The following CXADR variants were observed in gnomAD, a reference collection of about 807,000 sequenced individuals.
CXADR encodes the protein coxsackievirus and adenovirus receptor.
A neutral mutation model predicts 40.3 loss-of-function variants in CXADR; 20 were observed. The observed-to-expected ratio is 0.50, with a 90% CI of 0.35 to 0.72. The LOEUF is 0.72. Among genes scored for constraint, CXADR ranks in the 30% least tolerant of loss-of-function variants. The pLI is 0.01. For synonymous variants in CXADR, 150 were observed against 161.3 expected, an observed-to-expected ratio of 0.93 and a Z score of 0.53; for missense variants, 332 against 449.1, an observed-to-expected ratio of 0.74 and a Z score of 2.36.
chr21:17,589,509 C>T (rs982541852), intron 7 of CXADR, among the ~76,000 whole-genome samples: 5 of 152,002 alleles, frequency 3.3e-5, no homozygotes, highest in South Asian at 4.1e-4. Flanking sequence ...TCCCATTCCC[C>T]GCCTCTGAGA....
At chr21:17,615,071 A>T in the CXADR span, among the ~76,000 whole-genome samples, 1,774 of 152,206 alleles carry the variant, frequency 0.012, 33 homozygotes, top group African/African-American at 0.04. Context: ...CCCCAATGTG[A>T]TGGTATTTGG....
chr21:17,623,230 C>G, the CXADR span, among the ~76,000 whole-genome samples: 19 of 152,120 alleles, frequency 1.2e-4, no homozygotes, highest in African/African-American at 4.3e-4. Context: ...GTGTGAGCCA[C>G]TACACCCAGC....
the CXADR span, chr21:17,608,834 A>C: frequency 6.8e-5 from 57 of 841,544 alleles, 3 homozygotes; most frequent in Middle Eastern, 9.6e-3. Context: ...AGTAAGGAGA[A>C]AATATACAAA....
chr21:17,634,118 T>G, the CXADR span, among the ~76,000 whole-genome samples: 1 of 152,184 alleles, frequency 6.6e-6, no homozygotes, highest in South Asian at 2.1e-4. Flanking sequence ...AGCAGGTCAT[T>G]TGGGCTGATG....
intron 7 of CXADR, among the ~76,000 whole-genome samples, chr21:17,582,488 C>T (rs2061368589): frequency 6.6e-6 from 1 of 152,170 alleles, no homozygotes; most frequent in Admixed American, 6.5e-5. Flanking sequence ...ACTTATCTCT[C>T]CCTCCTTGAA....
chr21:17,607,435 G>A, the CXADR span, among the ~76,000 whole-genome samples: 1 of 152,190 alleles, frequency 6.6e-6, no homozygotes, highest in East Asian at 1.9e-4. Context: ...AAAATGACTT[G>A]AGCCTGTGTT....
chr21:17,542,196 A>G (rs2060838914), intron 1 of CXADR, among the ~76,000 whole-genome samples: 1 of 152,206 alleles, frequency 6.6e-6, no homozygotes, highest in Non-Finnish European at 1.5e-5. Flanking sequence ...ACTAGTGATA[A>G]CATTTCATGA....
intron 3 of CXADR, among the ~76,000 whole-genome samples, chr21:17,554,491 G>C (rs3805081): frequency 0.16 from 24,652 of 152,130 alleles, 2,231 homozygotes; most frequent in East Asian, 0.24. Context: ...AAACCAAGGA[G>C]GGGGAGAGGG....
At chr21:17,615,933 T>C in the CXADR span, among the ~76,000 whole-genome samples, 2 of 152,204 alleles carry the variant, frequency 1.3e-5, no homozygotes, top group African/African-American at 4.8e-5. Context: ...TAAAATCCTT[T>C]GAACTCAAGA....
At chr21:17,588,608 C>T (rs577329943) in intron 7 of CXADR, among the ~76,000 whole-genome samples, 6 of 152,092 alleles carry the variant, frequency 3.9e-5, no homozygotes, top group African/African-American at 1.4e-4. Flanking sequence ...TTGAAAAGCC[C>T]CATTCACCAA....
intron 2 of CXADR, among the ~76,000 whole-genome samples, chr21:17,547,760 T>G (rs1322311490): frequency 9.1e-6 from 1 of 109,568 alleles, no homozygotes; most frequent in Non-Finnish European, 2.5e-5. Flanking sequence ...CTTTTTAAAT[T>G]TATTTTTTTT....
At chr21:17,537,118 A>G (rs73308217) in intron 1 of CXADR, among the ~76,000 whole-genome samples, 3,866 of 152,332 alleles carry the variant, frequency 0.025, 173 homozygotes, top group African/African-American at 0.089. Flanking sequence ...AGCAAGAGAG[A>G]AAAGGGACTT....
chr21:17,566,110 T>G lies in CXADR; in HGVS notation c.*418T>G. 1.0e-6 allele frequency: 1 copy of G among 983,902 alleles called. No individual in the cohort carries two copies. The highest frequency in any genetic ancestry group is 1.2e-6 in the Non-Finnish European group (1 of 828,090). 60.9% of individuals were successfully genotyped at this position (983,902 alleles called of 1,614,324 possible). Reference sequence around the variant, plus strand: ...TTTTAGGATGTGTATTTCATTTATTTATGGCCCACCAGTCTCCCCCAAATT... The same window carrying G: ...TTTTAGGATGTGTATTTCATTTATTGATGGCCCACCAGTCTCCCCCAAATT... On this transcript the variant is annotated 3_prime_UTR_variant, in exon 7 of 7. Transcript: ENST00000284878.
the CXADR span, among the ~76,000 whole-genome samples, chr21:17,634,764 A>C: frequency 3.9e-5 from 6 of 152,154 alleles, no homozygotes; most frequent in Non-Finnish European, 7.4e-5. Context: ...TTTTTTTTAG[A>C]GATGTGATAT....
intron 1 of CXADR, among the ~76,000 whole-genome samples, chr21:17,527,666 G>T (rs1254103080): frequency 6.6e-6 from 1 of 152,130 alleles, no homozygotes; most frequent in Non-Finnish European, 1.5e-5. Flanking sequence ...AAGGTATTCT[G>T]ATTATTCCTT....
At chr21:17,571,154 G>C (rs371396668), downstream of CXADR, among the ~76,000 whole-genome samples, 1 of 152,254 alleles carries the variant, frequency 6.6e-6, no homozygotes, top group Admixed American at 6.5e-5. Context: ...TCTACTCGGC[G>C]ATTAAAAGGT....
rs2061205396 is a variant in CXADR at position 17,566,130 on chromosome 21, C to A, written c.*438C>A. 9.1e-5 allele frequency: 90 copies of A among 984,616 alleles called. No homozygotes were observed. The highest frequency in any genetic ancestry group is 1.1e-4 in the Non-Finnish European group (89 of 829,006). The allele number at this position is 984,616 out of a possible 1,614,324, so 61.0% of individuals were successfully genotyped here. A position where few individuals can be genotyped will look rare whatever the true frequency, so the allele number is the denominator to read the frequency against. ...TTATTTATGGCCCACCAGTCTCCCC[C>A]AAATTAGTACAGAAATATCCATGAC... On this transcript the variant is annotated 3_prime_UTR_variant, in exon 7 of 7. Coordinates refer to ENST00000284878, the MANE Select transcript of CXADR (RefSeq NM_001338.5).
the CXADR span, among the ~76,000 whole-genome samples, chr21:17,602,855 A>C: frequency 6.6e-6 from 1 of 152,262 alleles, no homozygotes; most frequent in Non-Finnish European, 1.5e-5. Flanking sequence ...ACATAGGTCC[A>C]AAATGTTTAT....
chr21:17,603,325 G>C, the CXADR span, among the ~76,000 whole-genome samples: 3 of 152,124 alleles, frequency 2.0e-5, no homozygotes, highest in African/African-American at 7.2e-5. Flanking sequence ...CTAAATTTGA[G>C]ATAGCTTGCT....
Sources: allele counts gnomAD v4.1 joint callset (sites outside exome capture counted in the v4.1 genomes callset), GRCh38; gene constraint gnomAD v4.1.1; transcripts MANE v1.5; gene names NCBI Gene and HGNC (gene_info 2026-07-23, HGNC 2026-07-21).